PDE3A: variants seen among roughly 807,000 people sequenced by gnomAD.
The protein encoded by PDE3A is phosphodiesterase 3A.
In PDE3A, 43 loss-of-function variants were observed where a neutral mutation model predicts 98.3. That is an observed-to-expected ratio of 0.44 (90% CI 0.34 to 0.56). The LOEUF is 0.56. Among genes scored for constraint, PDE3A ranks in the 20% least tolerant of loss-of-function variants. The pLI, the probability that PDE3A is intolerant of heterozygous loss-of-function variation, is 0.01. For synonymous variants in PDE3A, 663 were observed against 567.9 expected (o/e 1.17, Z -2.38); for missense variants, 1,427 against 1,440.7 (o/e 0.99, Z 0.15).
chr12:20,548,992 A>G (rs1942129655), intron 1 of PDE3A, among the ~76,000 whole-genome samples: 1 of 152,106 alleles, frequency 6.6e-6, no homozygotes, highest in East Asian at 1.9e-4. Context: ...GTAATCACAC[A>G]TCAAGAAAGG....
In PDE3A at chr12:20,455,391, C is replaced by T. The variant is rs558850321; in HGVS notation, c.960+85147C>T. On this transcript the variant is annotated intron_variant, in intron 1 of 15. Coordinates refer to ENST00000359062, the MANE Select transcript of PDE3A (RefSeq NM_000921.5). The stretch of plus-strand genomic sequence containing the variant: ...CAGATGCATAGTTTGCAAAAATGTT[C>T]TCCCATTCTGTAGATTGTCTGTTTA... Among the ~76,000 whole-genome samples, 213 of 152,006 alleles carry T rather than the reference C, an allele frequency of 1.4e-3. 2 individuals are homozygous for T. Among genetic ancestry groups the T allele is most frequent in the African/African-American group, 4.9e-3 (202 of 41,508 alleles).
chr12:20,604,085 C>A (rs958918593), intron 2 of PDE3A, among the ~76,000 whole-genome samples: 1 of 152,006 alleles, frequency 6.6e-6, no homozygotes, highest in African/African-American at 2.4e-5. Flanking sequence ...AGGAGAATTG[C>A]TTGAAACCAG....
chr12:20,669,981 C>T (rs1366103558), intron 15 of PDE3A, among the ~76,000 whole-genome samples: 1 of 151,300 alleles, frequency 6.6e-6, no homozygotes, highest in African/African-American at 2.4e-5. Context: ...CACATAGGCT[C>T]AAAATAAAAG....
intron 12 of PDE3A, among the ~76,000 whole-genome samples, chr12:20,647,559 C>T (rs1944806458): frequency 6.6e-6 from 1 of 151,880 alleles, no homozygotes; most frequent in Non-Finnish European, 1.5e-5. Flanking sequence ...CAAATTTAGC[C>T]CCTCATTTAT....
intron 1 of PDE3A, among the ~76,000 whole-genome samples, chr12:20,496,233 G>A (rs568071139): frequency 1.4e-4 from 22 of 152,154 alleles, no homozygotes; most frequent in Non-Finnish European, 2.9e-4. Context: ...CCATATGTTT[G>A]ATGTGTGGAT....
chr12:20,497,628 G>T (rs993777634), intron 1 of PDE3A, among the ~76,000 whole-genome samples: 7 of 151,630 alleles, frequency 4.6e-5, no homozygotes, highest in African/African-American at 1.7e-4. Flanking sequence ...ATAAATAACT[G>T]ATATAGTCAA....
intron 2 of PDE3A, among the ~76,000 whole-genome samples, chr12:20,559,055 T>C (rs1190653111): frequency 1.3e-5 from 2 of 152,176 alleles, no homozygotes; most frequent in African/African-American, 4.8e-5. Context: ...GGCAATCTGA[T>C]AGACGCAACA....
intron 10 of PDE3A, among the ~76,000 whole-genome samples, chr12:20,645,797 TG>T (rs1944762893): frequency 6.6e-6 from 1 of 152,106 alleles, no homozygotes. Context: ...AACCAGATGA[TG>T]GCATTATCTG....
intron 1 of PDE3A, among the ~76,000 whole-genome samples, chr12:20,441,692 T>G (rs1188966635): frequency 6.6e-6 from 1 of 152,164 alleles, no homozygotes; most frequent in African/African-American, 2.4e-5. Flanking sequence ...GATGGATATT[T>G]CATTCTGTAA....
intron 15 of PDE3A, among the ~76,000 whole-genome samples, chr12:20,662,041 G>T (rs1945183498): frequency 6.6e-6 from 1 of 152,202 alleles, no homozygotes; most frequent in Admixed American, 6.5e-5. Flanking sequence ...AGCCACAGGG[G>T]CAGAGCTGCC....
At chr12:20,506,100 GT>G (rs1555154317) in intron 1 of PDE3A, among the ~76,000 whole-genome samples, 1 of 14,772 alleles carries the variant, frequency 6.8e-5, no homozygotes, top group East Asian at 1.2e-3. Context: ...CTAAAGGAAG[GT>G]GTGTGTGTGT....
intron 15 of PDE3A, among the ~76,000 whole-genome samples, chr12:20,660,571 G>A (rs1945143131): frequency 6.6e-6 from 1 of 152,176 alleles, no homozygotes; most frequent in African/African-American, 2.4e-5. Flanking sequence ...GGGACCCGGT[G>A]GGAGATAATT....
At chr12:20,466,813 C>T (rs1490229217) in intron 1 of PDE3A, among the ~76,000 whole-genome samples, 1 of 152,136 alleles carries the variant, frequency 6.6e-6, no homozygotes, top group Non-Finnish European at 1.5e-5. Flanking sequence ...TCTTAGCCAT[C>T]ACCGCCTGTC....
chr12:20,598,938 C>A (rs1223095712), intron 2 of PDE3A, among the ~76,000 whole-genome samples: 1 of 152,164 alleles, frequency 6.6e-6, no homozygotes, highest in Non-Finnish European at 1.5e-5. Context: ...ACACCTTAAT[C>A]TTCCTCAAGC....
At chr12:20,491,517 G>A (rs774695549) in intron 1 of PDE3A, among the ~76,000 whole-genome samples, 6 of 152,106 alleles carry the variant, frequency 3.9e-5, no homozygotes, top group Non-Finnish European at 8.8e-5. Flanking sequence ...AGTTTCTTCA[G>A]AGGTCAAGAA....
chr12:20,522,295 C>G (rs1216007485), intron 1 of PDE3A, among the ~76,000 whole-genome samples: 1 of 152,178 alleles, frequency 6.6e-6, no homozygotes, highest in African/African-American at 2.4e-5. Context: ...GTTCCCAGAT[C>G]ATTAGTATCA....
In PDE3A at chr12:20,369,414, C is replaced by A. The variant is rs768494749; in HGVS notation, c.130C>A (p.Arg44Ser). The A allele has an allele frequency of 1.3e-6, 2 of 1,554,476 alleles. No homozygotes were observed. The highest frequency in any genetic ancestry group is 1.7e-6 in the Non-Finnish European group (2 of 1,149,914). Residue 44 changes from arginine (R) to serine (S), a missense_variant, in exon 1 of 16, where the codon CGT becomes AGT. Transcript: ENST00000359062. ...DPASPRDSGC[R>S]GCWGDLVLQP... ...CGCATCGCCGCGGGACTCGGGCTGC[C>A]GTGGCTGCTGGGGAGACCTGGTGCT...
At chr12:20,376,896 G>T (rs533203036) in intron 1 of PDE3A, among the ~76,000 whole-genome samples, 1 of 151,934 alleles carries the variant, frequency 6.6e-6, no homozygotes, top group Non-Finnish European at 1.5e-5. Flanking sequence ...CTGTGTTTTT[G>T]ATTTGATTAG....
chr12:20,521,634 TA>T (rs1288093588), intron 1 of PDE3A, among the ~76,000 whole-genome samples: 1 of 152,236 alleles, frequency 6.6e-6, no homozygotes, highest in South Asian at 2.1e-4. Context: ...GAAATGTCTG[TA>T]ATATTAAAAT....
Sources: allele counts gnomAD v4.1 joint callset (sites outside exome capture counted in the v4.1 genomes callset), GRCh38; gene constraint gnomAD v4.1.1; transcripts MANE v1.5; gene names NCBI Gene and HGNC (gene_info 2026-07-23, HGNC 2026-07-21).